The following MRLN variants were observed in gnomAD, a reference collection of about 807,000 sequenced individuals.
MRLN encodes Linc-RNA activator of myogenesis.
intron 1 of MRLN, among the ~76,000 whole-genome samples, chr10:59,743,855 G>A (rs907830125): frequency 2.6e-5 from 4 of 152,124 alleles, no homozygotes; most frequent in Non-Finnish European, 4.4e-5. Context: ...TGGTGGAGAC[G>A]GGGTTTCGCC....
intron 1 of MRLN, among the ~76,000 whole-genome samples, chr10:59,742,699 C>T (rs1840997654): frequency 6.6e-6 from 1 of 151,412 alleles, no homozygotes; most frequent in Non-Finnish European, 1.5e-5. Context: ...CCTTTCTTTT[C>T]CTTCCTTCCC....
Position 59,737,017 on chromosome 10 carries a change from C to T in MRLN, c.*43G>A. 1 of 390,596 alleles carries T rather than the reference C, an allele frequency of 2.6e-6. No individual in the cohort carries two copies. 24.2% of individuals were successfully genotyped at this position (390,596 alleles called of 1,614,324 possible). On this transcript the variant is annotated 3_prime_UTR_variant, in exon 3 of 3. Coordinates refer to ENST00000414264, the MANE Select transcript of MRLN (RefSeq NM_001304731.2). ...AAGTTAAAATACAAATTTTTATTCA[C>T]TGTAATTCAGTTTGAAATGTACATG...
chr10:59,740,785 T>C (rs1840974914), intron 1 of MRLN, among the ~76,000 whole-genome samples: 1 of 141,752 alleles, frequency 7.1e-6, no homozygotes, highest in African/African-American at 3.1e-5. Flanking sequence ...GTTTTCTTTC[T>C]TTCTTTCTTT....
chr10:59,738,029 T>C (rs1840942174), intron 2 of MRLN: 1 of 152,100 alleles, frequency 6.6e-6, no homozygotes, highest in Non-Finnish European at 1.5e-5. Flanking sequence ...AAAAGGCAGG[T>C]AGACTTTTAA....
At chr10:59,739,853 G>A (rs1293739857) in intron 1 of MRLN, among the ~76,000 whole-genome samples, 1 of 152,196 alleles carries the variant, frequency 6.6e-6, no homozygotes, top group Non-Finnish European at 1.5e-5. Flanking sequence ...CAGCACTTTG[G>A]GAGGCCAAGG....
In MRLN at chr10:59,741,377, T is replaced by C. The variant is rs187309118; in HGVS notation, c.-124-2815A>G. On this transcript the variant is annotated intron_variant, in intron 1 of 2. Transcript: ENST00000414264. ...TTTTATTTTAATTTTTTATTTACTT[T>C]CTTATTTTATTTTTAATTTTTTTGA... Among the ~76,000 whole-genome samples, 625 of 152,226 alleles carry C rather than the reference T, an allele frequency of 4.1e-3. 7 individuals carry two copies. Among genetic ancestry groups the C allele is most frequent in the African/African-American group, 0.014 (569 of 41,528 alleles).
At chr10:59,745,635 C>T (rs1048497838) in intron 1 of MRLN, among the ~76,000 whole-genome samples, 2 of 149,182 alleles carry the variant, frequency 1.3e-5, no homozygotes, top group African/African-American at 5.2e-5. Flanking sequence ...GTTTTTATTT[C>T]TTCCTTTGAT....
At chr10:59,739,895 C>T (rs1008565138) in intron 1 of MRLN, among the ~76,000 whole-genome samples, 3 of 152,204 alleles carry the variant, frequency 2.0e-5, no homozygotes, top group Middle Eastern at 3.4e-3. Flanking sequence ...AGTTCAAGAC[C>T]AGCCTGGCCA....
chr10:59,749,745 C>A (rs1841080096), intron 1 of MRLN, among the ~76,000 whole-genome samples: 1 of 152,036 alleles, frequency 6.6e-6, no homozygotes. Flanking sequence ...GCCTGACACT[C>A]AATAAATAGT....
At chr10:59,747,193 T>C (rs1039315038) in intron 1 of MRLN, among the ~76,000 whole-genome samples, 1 of 152,256 alleles carries the variant, frequency 6.6e-6, no homozygotes, top group Non-Finnish European at 1.5e-5. Context: ...TGTTACCTTA[T>C]GGCTAACAAG....
intron 1 of MRLN, among the ~76,000 whole-genome samples, chr10:59,752,020 C>T (rs758950494): frequency 2.0e-5 from 3 of 152,116 alleles, no homozygotes; most frequent in Non-Finnish European, 4.4e-5. Context: ...AGAGCACATA[C>T]GTTTATGGAA....
At chr10:59,745,955 A>G (rs1841040054) in intron 1 of MRLN, among the ~76,000 whole-genome samples, 1 of 152,198 alleles carries the variant, frequency 6.6e-6, no homozygotes, top group Admixed American at 6.5e-5. Context: ...TCTATTATAT[A>G]AAAGTATTAC....
intron 2 of MRLN, 192 bp downstream of exon 2, chr10:59,738,267 T>C (rs1005313717): frequency 4.6e-5 from 7 of 152,180 alleles, no homozygotes; most frequent in African/African-American, 1.4e-4. Flanking sequence ...GCAAAAATAA[T>C]ACACGGGTTT....
intron 1 of MRLN, among the ~76,000 whole-genome samples, chr10:59,750,068 T>A (rs1432944807): frequency 2.2e-5 from 2 of 90,462 alleles, no homozygotes; most frequent in East Asian, 2.8e-4. Context: ...CTCTCTTTTT[T>A]TTTTTTTTTT....
chr10:59,738,157 A>G (rs1320343866), intron 2 of MRLN: 6 of 152,250 alleles, frequency 3.9e-5, no homozygotes, highest in Admixed American at 3.9e-4. Context: ...AGAGAAGGGA[A>G]TTACTTGCCC....
At chr10:59,738,024 G>A (rs1840942064) in intron 2 of MRLN, 3 of 152,076 alleles carry the variant, frequency 2.0e-5, no homozygotes, top group African/African-American at 7.2e-5. Flanking sequence ...AATAAAAAAG[G>A]CAGGTAGACT....
chr10:59,746,892 C>T (rs1258456594), intron 1 of MRLN, among the ~76,000 whole-genome samples: 2 of 152,172 alleles, frequency 1.3e-5, no homozygotes, highest in African/African-American at 4.8e-5. Context: ...CTCCACCTCC[C>T]GGATTCAAGT....
chr10:59,737,339 T>G, intron 2 of MRLN, 119 bp from the exon 3 acceptor site: 1 of 370,400 alleles, frequency 2.7e-6, no homozygotes, highest in Non-Finnish European at 4.8e-6. Context: ...CCAGGGAATA[T>G]TCCACACCTA....
chr10:59,742,679 CCCTTCCTTCCCTTTCTTTT>C (rs1158587378), intron 1 of MRLN, among the ~76,000 whole-genome samples: 21 of 149,808 alleles, frequency 1.4e-4, no homozygotes, highest in South Asian at 2.1e-4. Flanking sequence ...TTCCTTCCTT[CCCTTCCTTCCCTTTCTTTT>C]CCTTCCTTCC....
Sources: allele counts gnomAD v4.1 joint callset (sites outside exome capture counted in the v4.1 genomes callset), GRCh38; gene constraint gnomAD v4.1.1; transcripts MANE v1.5; gene names NCBI Gene and HGNC (gene_info 2026-07-23, HGNC 2026-07-21).